Variants in PTPRG observed in about 807,000 individuals in gnomAD.
PTPRG encodes the protein protein tyrosine phosphatase receptor type G.
Under a neutral mutation model 165.3 loss-of-function variants are expected in PTPRG, and 102 were observed. That is an observed-to-expected ratio of 0.62 (90% CI 0.53 to 0.73). The LOEUF (loss-of-function observed/expected upper bound fraction) is 0.73, where lower values mean the gene tolerates loss of function less well. Ranked by LOEUF, PTPRG falls within the 30% of genes least tolerant of loss-of-function variation. The pLI, the probability that PTPRG is intolerant of heterozygous loss-of-function variation, is 0.00. For missense variants in PTPRG, 1,866 were observed against 1,861.4 expected, an observed-to-expected ratio of 1.00 and a Z score of -0.05; for synonymous variants, 675 against 669.5, an observed-to-expected ratio of 1.01 and a Z score of -0.13.
intron 9 of PTPRG, among the ~76,000 whole-genome samples, chr3:62,192,435 G>T: frequency 3.0e-5 from 3 of 100,902 alleles, no homozygotes; most frequent in South Asian, 3.7e-4. Context: ...TTGAGACAGA[G>T]TCTTGCTCTG....
At chr3:62,201,870 T>C (rs1453091708) in intron 11 of PTPRG, among the ~76,000 whole-genome samples, 1 of 152,218 alleles carries the variant, frequency 6.6e-6, no homozygotes, top group Non-Finnish European at 1.5e-5. Context: ...ATTTGACATA[T>C]ACTCAAATTC....
chr3:62,115,083 T>C (rs1248819842), intron 5 of PTPRG, among the ~76,000 whole-genome samples: 3 of 152,234 alleles, frequency 2.0e-5, no homozygotes, highest in Non-Finnish European at 4.4e-5. Flanking sequence ...AGCTCAGATT[T>C]TCAGGTCATC....
intron 3 of PTPRG, among the ~76,000 whole-genome samples, chr3:61,996,784 G>A (rs949919403): frequency 2.6e-5 from 4 of 152,072 alleles, no homozygotes; most frequent in Non-Finnish European, 5.9e-5. Flanking sequence ...ATCCAGCTTT[G>A]CCTGAACCCT....
chr3:61,891,447 A>C (rs1002370365), intron 2 of PTPRG, among the ~76,000 whole-genome samples: 2 of 152,212 alleles, frequency 1.3e-5, no homozygotes, highest in African/African-American at 4.8e-5. Flanking sequence ...GAGATTTTCT[A>C]TGTGTAAACC....
At chr3:62,152,648 C>G (rs913844148) in intron 6 of PTPRG, among the ~76,000 whole-genome samples, 1 of 152,148 alleles carries the variant, frequency 6.6e-6, no homozygotes, top group Admixed American at 6.5e-5. Context: ...TCACTGCAAA[C>G]TGCTCTTCGA....
chr3:62,178,801 C>G (rs1243704390), intron 8 of PTPRG, among the ~76,000 whole-genome samples: 1 of 152,178 alleles, frequency 6.6e-6, no homozygotes, highest in African/African-American at 2.4e-5. Flanking sequence ...ACTTAGCAAC[C>G]CTACTCTGGC....
At chr3:61,690,425 C>T (rs970846414) in intron 1 of PTPRG, among the ~76,000 whole-genome samples, 2 of 152,192 alleles carry the variant, frequency 1.3e-5, no homozygotes, top group African/African-American at 4.8e-5. Context: ...GTATTAAATA[C>T]AACGGCTGTC....
intron 6 of PTPRG, among the ~76,000 whole-genome samples, chr3:62,153,568 A>C (rs1433881792): frequency 1.3e-5 from 2 of 152,200 alleles, no homozygotes; most frequent in African/African-American, 4.8e-5. Flanking sequence ...TAAAAAAAAA[A>C]CAAAAAGACA....
intron 2 of PTPRG, among the ~76,000 whole-genome samples, chr3:61,931,477 A>G (rs1169558737): frequency 1.3e-5 from 2 of 152,186 alleles, no homozygotes; most frequent in African/African-American, 4.8e-5. Context: ...AGTCATGGCC[A>G]CGTTACCCGT....
intron 4 of PTPRG, among the ~76,000 whole-genome samples, chr3:62,026,001 AG>A (rs1287444586): frequency 6.6e-6 from 1 of 152,230 alleles, no homozygotes; most frequent in Non-Finnish European, 1.5e-5. Context: ...TTTTCAATAA[AG>A]GGTATGTTAT....
chr3:61,789,039 C>T (rs550521952), intron 2 of PTPRG, among the ~76,000 whole-genome samples: 1 of 152,228 alleles, frequency 6.6e-6, no homozygotes, highest in Non-Finnish European at 1.5e-5. Context: ...TTTAATTTAA[C>T]AATCATTACT....
At chr3:61,978,068 T>G (rs1295016487) in intron 2 of PTPRG, among the ~76,000 whole-genome samples, 1 of 152,218 alleles carries the variant, frequency 6.6e-6, no homozygotes, top group Non-Finnish European at 1.5e-5. Context: ...GCCAGGCTGT[T>G]CTCAAACTCC....
intron 2 of PTPRG, among the ~76,000 whole-genome samples, chr3:61,961,331 G>A (rs1419285272): frequency 2.6e-5 from 4 of 152,180 alleles, no homozygotes; most frequent in African/African-American, 9.7e-5. Context: ...TGAAGTATTA[G>A]GGACAGGTGT....
intron 2 of PTPRG, among the ~76,000 whole-genome samples, chr3:61,964,766 TCTG>T (rs1002167215): frequency 1.2e-4 from 18 of 152,170 alleles, no homozygotes; most frequent in African/African-American, 4.3e-4. Context: ...CTTTGTTCTC[TCTG>T]CTTTTTTATG....
At chr3:61,976,304 G>A (rs1182587306) in intron 2 of PTPRG, among the ~76,000 whole-genome samples, 1 of 152,176 alleles carries the variant, frequency 6.6e-6, no homozygotes, top group Non-Finnish European at 1.5e-5. Flanking sequence ...GCTTGACAAA[G>A]GAGATGGATT....
chr3:62,280,465 G>A (rs1008567172), intron 26 of PTPRG, among the ~76,000 whole-genome samples: 5 of 151,992 alleles, frequency 3.3e-5, no homozygotes, highest in African/African-American at 1.2e-4. Context: ...TGGCCAAGAG[G>A]TATATGAAAA....
intron 16 of PTPRG, among the ~76,000 whole-genome samples, chr3:62,259,447 G>A (rs1368636803): frequency 1.3e-5 from 2 of 152,150 alleles, no homozygotes; most frequent in East Asian, 1.9e-4. Context: ...GAAAGTTTAC[G>A]AATTTGTGTT....
chr3:61,946,310 A>G (rs1208035915), intron 2 of PTPRG, among the ~76,000 whole-genome samples: 1 of 152,228 alleles, frequency 6.6e-6, no homozygotes, highest in East Asian at 1.9e-4. Flanking sequence ...AACAAAATAC[A>G]TTTTTTAAAG....
intron 2 of PTPRG, among the ~76,000 whole-genome samples, chr3:61,802,535 C>A (rs1280708072): frequency 4.6e-5 from 7 of 152,226 alleles, no homozygotes; most frequent in Non-Finnish European, 1.0e-4. Context: ...GGCCAGTATT[C>A]TTCTTGCAGG....
Sources: allele counts gnomAD v4.1 joint callset (sites outside exome capture counted in the v4.1 genomes callset), GRCh38; gene constraint gnomAD v4.1.1; transcripts MANE v1.5; gene names NCBI Gene and HGNC (gene_info 2026-07-23, HGNC 2026-07-21).